Variants in SETD1B observed in about 807,000 individuals in gnomAD.
SETD1B encodes the protein histone-lysine N-methyltransferase SETD1B.
In SETD1B, 7 loss-of-function variants were observed where a neutral mutation model predicts 148.0. That is an observed-to-expected ratio of 0.05 (90% CI 0.03 to 0.09). The LOEUF (loss-of-function observed/expected upper bound fraction) is 0.09. SETD1B is among the 10% of genes least tolerant of loss of function. The pLI is 1.00. For synonymous variants in SETD1B, 1,361 were observed against 1,186.5 expected (o/e 1.15, Z -3.02); for missense variants, 2,155 against 2,729.9 (o/e 0.79, Z 4.69).
Position 121,805,198 on chromosome 12 carries a change from G to A in SETD1B, c.255G>A (p.Leu85=). Residue 85 remains leucine (L), a synonymous_variant, in exon 3 of 17, where the codon CTG becomes CTA. Coordinates refer to ENST00000604567, the MANE Select transcript of SETD1B (RefSeq NM_001353345.2). The surrounding 1 kb of genome is among the most constrained non-coding windows in gnomAD (Gnocchi z 4.2). ...GGACCAAAAACAAGGAGCTGGAGCT[G>A]TCGGTGCCCAAATTCAAGGTAGGAC... ...GIWTKNKELE[L]SVPKFKIDEF... is the part of the protein sequence containing the mutation. 1.3e-6 allele frequency: 2 copies of A among 1,551,022 alleles called. No homozygotes were observed.
At chr12:121,793,560 A>G in the SETD1B span, 1 of 1,551,160 alleles carries the variant, frequency 6.4e-7, no homozygotes. Flanking sequence ...GCCGTCGCCC[A>G]CGATCACGAT....
In SETD1B at chr12:121,817,155, C is replaced by T. The variant is rs1430239520; in HGVS notation, c.2838C>T (p.Gly946=). ...AGGGCGAGGGCCTGGGCTACGAGGG[C>T]CTGGGCCTGGGCATTGGGCTGCGTG... ...WGKGEGLGYE[G]LGLGIGLRGA... Residue 946 remains glycine (G), a synonymous_variant, in exon 8 of 17, where the codon GGC becomes GGT. Coordinates refer to ENST00000604567, the MANE Select transcript of SETD1B (RefSeq NM_001353345.2). The surrounding 1 kb of genome is among the most constrained non-coding windows in gnomAD (Gnocchi z 8.1). 3 of 1,549,130 alleles carry T rather than the reference C, an allele frequency of 1.9e-6. No individual in the cohort carries two copies. Among genetic ancestry groups the T allele is most frequent in the Non-Finnish European group, 2.6e-6 (3 of 1,146,916 alleles).
Position 121,823,077 on chromosome 12 carries a change from C to A in SETD1B, c.4498C>A (p.Leu1500Met). ...GGCCCAGGCTCGTGCGCCCACCCCG[C>A]TGCCACCCCTGCTGCCCGCCCCCCT... Reference protein sequence around the residue: ...LRAQARAPTPLPPLLPAPLAS... With the variant: ...LRAQARAPTPMPPLLPAPLAS... The change falls in exon 12 of 17, where the codon CTG becomes ATG. Residue 1500 changes from leucine (L) to methionine (M), a missense_variant. Transcript: ENST00000604567. The A allele has an allele frequency of 6.7e-7, 1 of 1,502,958 alleles. No homozygotes were observed. The highest frequency in any genetic ancestry group is 1.3e-5 in the South Asian group (1 of 79,754). 93.1% of individuals were successfully genotyped at this position (1,502,958 alleles called of 1,614,324 possible).
chr12:121,822,761 T>A lies in SETD1B; in HGVS notation c.4182T>A (p.Ser1394Arg). 6.6e-7 allele frequency: 1 copy of A among 1,516,576 alleles called. No homozygotes were observed. Among genetic ancestry groups the A allele is most frequent in the Non-Finnish European group, 8.9e-7 (1 of 1,125,036 alleles). 93.9% of individuals were successfully genotyped at this position (1,516,576 alleles called of 1,614,324 possible). Residue 1394 changes from serine to arginine, a missense_variant, in exon 12 of 17, where the codon AGT (serine) becomes AGA (arginine). This residue lies in a region of SETD1B where 862 missense variants were observed against 873.8 expected (regional missense o/e 0.99). Coordinates refer to ENST00000604567, the MANE Select transcript of SETD1B (RefSeq NM_001353345.2). ...GGEPPLSGGS[S>R]GLSLSSPQVP... is the part of the protein sequence containing the mutation. ...AGCCCCCGCTATCAGGGGGCAGCAG[T>A]GGCCTGTCCCTGAGCTCTCCGCAAG...
At chr12:121,796,994 A>T in the SETD1B span, among the ~76,000 whole-genome samples, 1 of 151,364 alleles carries the variant, frequency 6.6e-6, no homozygotes, top group Non-Finnish European at 1.5e-5. Flanking sequence ...CCCAGATCAC[A>T]CCATTGCCTG....
intron 5 of SETD1B, 29 bp from the exon 6 acceptor site, chr12:121,809,574 A>T: frequency 6.6e-7 from 1 of 1,511,798 alleles, no homozygotes; most frequent in Non-Finnish European, 8.9e-7. Flanking sequence ...GTTTTCCCCC[A>T]GTGGTCTGAC....
At chr12:121,820,402 C>G (rs1427942780) in intron 11 of SETD1B, among the ~76,000 whole-genome samples, 1 of 152,260 alleles carries the variant, frequency 6.6e-6, no homozygotes, top group African/African-American at 2.4e-5. Context: ...CTGTAGCCTT[C>G]AGACACAATG....
At chr12:121,826,029 C>T (rs951793105) in intron 13 of SETD1B, among the ~76,000 whole-genome samples, 1 of 152,010 alleles carries the variant, frequency 6.6e-6, no homozygotes, top group Admixed American at 6.6e-5. Flanking sequence ...TAGCAGTGAA[C>T]AAAACCAAAT....
Position 121,810,851 on chromosome 12 carries a change from T to C in SETD1B, c.1890+16T>C. 6.8e-7 allele frequency: 1 copy of C among 1,478,102 alleles called. No individual in the cohort carries two copies. 91.6% of individuals were successfully genotyped at this position (1,478,102 alleles called of 1,614,324 possible). On this transcript the variant is annotated intron_variant, in intron 6 of 16. Transcript: ENST00000604567. This position sits in a 1 kb window ranked among gnomAD's most constrained non-coding sequence, Gnocchi z 7.6. Reference sequence around the variant, plus strand: ...GATGGATGAGGTACCACCGTGTCTGTCCATCTGTCTGGGACTGGTTTTGTC... The same window carrying C: ...GATGGATGAGGTACCACCGTGTCTGCCCATCTGTCTGGGACTGGTTTTGTC...
chr12:121,804,939 G>A lies in SETD1B; in HGVS notation c.174+28G>A. The A allele has an allele frequency of 6.8e-7, 1 of 1,479,780 alleles. No homozygotes were observed. Among genetic ancestry groups the A allele is most frequent in the Non-Finnish European group, 9.0e-7 (1 of 1,111,504 alleles). The allele number at this position is 1,479,780 out of a possible 1,614,324, so 91.7% of individuals were successfully genotyped here. ...GAGTAGCCGGCGCGCCCCCCCAGCC[G>A]TGCCCCGCGTCGTGTCCGGGGAGAC... On this transcript the variant is annotated intron_variant, in intron 2 of 16. Coordinates refer to ENST00000604567, the MANE Select transcript of SETD1B (RefSeq NM_001353345.2). The surrounding 1 kb of genome is among the most constrained non-coding windows in gnomAD (Gnocchi z 4.6).
chr12:121,805,096 G>GC lies in SETD1B; in HGVS notation c.175-16dup, dbSNP rs1566545579. 1.3e-6 allele frequency: 2 copies of GC among 1,548,108 alleles called. No homozygotes were observed. The highest frequency in any genetic ancestry group is 2.4e-5 in the South Asian group (2 of 83,988). On this transcript the variant is annotated intron_variant, in intron 2 of 16. Transcript: ENST00000604567. This position sits in a 1 kb window ranked among gnomAD's most constrained non-coding sequence, Gnocchi z 4.2. The stretch of plus-strand genomic sequence containing the variant: ...GAGGGGGACCAGTTCTCTCATCCCG[G>GC]CCCCCCAATTTCTCCCCACAGATGT...
intron 6 of SETD1B, among the ~76,000 whole-genome samples, chr12:121,813,673 A>T (rs1948441370): frequency 6.6e-6 from 1 of 152,170 alleles, no homozygotes; most frequent in Non-Finnish European, 1.5e-5. Flanking sequence ...GTTGCAACAG[A>T]ATCTCTGAAA....
intron 10 of SETD1B, 128 bp from the exon 11 acceptor site, chr12:121,819,276 C>T (rs966436714): frequency 1.8e-5 from 27 of 1,477,578 alleles, no homozygotes; most frequent in Admixed American, 2.7e-5. Context: ...GAACACATGC[C>T]CCACACACAT....
chr12:121,830,266 C>G lies in SETD1B; in HGVS notation c.*27C>G, dbSNP rs754136852. The G allele has an allele frequency of 6.5e-6, 10 of 1,543,246 alleles. No individual in the cohort carries two copies. In the African/African-American group the frequency reaches 1.4e-4, roughly 21 times the overall value. Reference sequence around the variant, plus strand: ...CCCCGGCACCAGACTCAAAGGATGTCAGCCGTAGCCCTGGGACTCCCGAGC... The same window carrying G: ...CCCCGGCACCAGACTCAAAGGATGTGAGCCGTAGCCCTGGGACTCCCGAGC... On this transcript the variant is annotated 3_prime_UTR_variant, in exon 17 of 17. Coordinates refer to ENST00000604567, the MANE Select transcript of SETD1B (RefSeq NM_001353345.2). The surrounding 1 kb of genome is among the most constrained non-coding windows in gnomAD (Gnocchi z 5.7).
chr12:121,829,215 G>A (rs925756701), intron 16 of SETD1B, among the ~76,000 whole-genome samples: 1 of 152,180 alleles, frequency 6.6e-6, no homozygotes, highest in Admixed American at 6.5e-5. Context: ...CTTTGGAAAC[G>A]TTTCCCTGGC....
intron 4 of SETD1B, 89 bp downstream of exon 4, chr12:121,806,194 C>T (rs999731395): frequency 1.9e-5 from 26 of 1,402,402 alleles, no homozygotes; most frequent in Non-Finnish European, 2.4e-5. Context: ...AGGACCCCCC[C>T]TCACTCTTCC....
chr12:121,819,926 G>T, intron 11 of SETD1B, 31 bp downstream of exon 11: 1 of 1,527,556 alleles, frequency 6.5e-7, no homozygotes, highest in Non-Finnish European at 8.8e-7. Context: ...GGAGGGTGGT[G>T]GGAGGGAGGC....
rs1005190524 is a variant in SETD1B, at chr12:121,812,488, C to T, written c.1891-1618C>T. 1.1e-4 allele frequency among the ~76,000 whole-genome samples: 17 copies of T among 152,300 alleles called. No homozygotes were observed. In the East Asian group the frequency reaches 1.9e-3, roughly 17 times the overall value. On this transcript the variant is annotated intron_variant, in intron 6 of 16. Coordinates refer to ENST00000604567, the MANE Select transcript of SETD1B (RefSeq NM_001353345.2). The stretch of plus-strand genomic sequence containing the variant: ...CAGGATGCTCCCGGCACCGCCAGGC[C>T]TGCTGGACTCCCAGTTCTCAGCAAA...
In SETD1B at chr12:121,817,830, A is replaced by G. The variant is rs1435864142; in HGVS notation, c.3344A>G (p.Asp1115Gly). 1.3e-6 allele frequency: 2 copies of G among 1,551,152 alleles called. No individual in the cohort carries two copies. The highest frequency in any genetic ancestry group is 2.4e-5 in the East Asian group (1 of 40,916). ...GACGATGACGACAGTGATGACCGGGACGAGTCTGAGAACGATGACGAGGAC... is the reference window on the plus strand; with the variant it reads ...GACGATGACGACAGTGATGACCGGGGCGAGTCTGAGAACGATGACGAGGAC... ...DDDDDDSDDR[D>G]ESENDDEDTA... is the part of the protein sequence containing the mutation. Residue 1115 changes from aspartate (D) to glycine (G), a missense_variant, in exon 10 of 17, where the codon GAC (aspartate) becomes GGC (glycine). By Grantham distance (94) the Asp-to-Gly change is moderately conservative (BLOSUM62 -1). Around this residue, in one of 11 missense-constraint regions of SETD1B, gnomAD observed 862 missense variants for 873.8 expected, o/e 0.99. Transcript: ENST00000604567. This position sits in a 1 kb window ranked among gnomAD's most constrained non-coding sequence, Gnocchi z 8.1.
Sources: gnomAD v4.1 joint callset for allele counts (sites outside exome capture counted in the v4.1 genomes callset) on GRCh38, gnomAD v4.1.1 for gene constraint, gnomAD v4.1.1 regional missense constraint, Gnocchi (gnomAD v3.1) non-coding constraint, MANE v1.5 for transcripts, NCBI Gene and HGNC (gene_info 2026-07-23, HGNC 2026-07-21) for gene names.